CD109: variants seen among roughly 807,000 people sequenced by gnomAD.
CD109 encodes CD109 molecule.
Under a neutral mutation model 165.8 loss-of-function variants are expected in CD109, and 149 were observed. The observed-to-expected ratio is 0.90, with a 90% confidence interval of 0.79 to 1.03. CD109 has a LOEUF of 1.03. Among genes scored for constraint, CD109 ranks in the 50% least tolerant of loss-of-function variants. The probability of loss-of-function intolerance (pLI) is 0.00; values close to 1 mark genes in which losing one functional copy is unlikely to be tolerated. For synonymous variants in CD109, 585 were observed against 592.1 expected, an observed-to-expected ratio of 0.99 and a Z score of 0.18; for missense variants, 1,712 against 1,677.8, an observed-to-expected ratio of 1.02 and a Z score of -0.36.
chr6:73,809,664 G>C (rs1022296895), intron 26 of CD109, among the ~76,000 whole-genome samples: 1 of 151,976 alleles, frequency 6.6e-6, no homozygotes, highest in Non-Finnish European at 1.5e-5. Context: ...TTCAGATTTT[G>C]GAATGTATGT....
intron 2 of CD109, among the ~76,000 whole-genome samples, chr6:73,709,407 C>T (rs866816781): frequency 1.6e-4 from 24 of 151,980 alleles, no homozygotes; most frequent in South Asian, 2.1e-4. Context: ...ACTGTAGCCT[C>T]GTAGTATAGT....
At position 73,730,474 on chromosome 6, in the gene CD109, A is replaced by G. The variant is rs1199408938; in HGVS notation, c.407A>G (p.Asp136Gly). The G allele has an allele frequency of 1.9e-6, 3 of 1,613,956 alleles. No individual in the cohort carries two copies. Among genetic ancestry groups the G allele is most frequent in the Non-Finnish European group, 8.5e-7 (1 of 1,179,828 alleles). Reference protein sequence around the residue: ...TKRISVFIQTDKALYKPKQEV... With the variant: ...TKRISVFIQTGKALYKPKQEV... Reference sequence around the variant, plus strand: ...AGAATATCTGTCTTCATTCAAACAGACAAGGCCTTATACAAGCCAAAGCAA... The same window carrying G: ...AGAATATCTGTCTTCATTCAAACAGGCAAGGCCTTATACAAGCCAAAGCAA... Residue 136 changes from aspartate (D) to glycine (G), a missense_variant, in exon 4 of 33, where the codon GAC becomes GGC. Transcript: ENST00000287097.
chr6:73,700,790 G>GTTTTTTTTTTTTTTTT (rs58140668), intron 2 of CD109, among the ~76,000 whole-genome samples: 1 of 51,478 alleles, frequency 1.9e-5, no homozygotes, highest in Non-Finnish European at 3.6e-5. Context: ...ATTGATTGTA[G>GTTTTTTTTTTTTTTTT]TTTTTTTTTT....
chr6:73,787,113 G>A (rs1446316343), intron 20 of CD109, 121 bp from the exon 21 acceptor site: 131 of 634,590 alleles, frequency 2.1e-4, no homozygotes, highest in Non-Finnish European at 4.9e-5. Flanking sequence ...TCGAATCTTT[G>A]TCTCATCTTT....
At chr6:73,728,611 A>C (rs1238972945) in intron 3 of CD109, among the ~76,000 whole-genome samples, 1 of 152,000 alleles carries the variant, frequency 6.6e-6, no homozygotes, top group East Asian at 1.9e-4. Flanking sequence ...AGACATCAAT[A>C]CTCTTCTCCC....
chr6:73,697,654 C>A, intron 2 of CD109, 82 bp downstream of exon 2: 1 of 1,208,856 alleles, frequency 8.3e-7, no homozygotes, highest in Non-Finnish European at 1.2e-6. Flanking sequence ...GGTAGTATAG[C>A]AGAGAAACCC....
At chr6:73,773,664 C>T (rs1260898072) in intron 15 of CD109, among the ~76,000 whole-genome samples, 1 of 152,054 alleles carries the variant, frequency 6.6e-6, no homozygotes, top group Non-Finnish European at 1.5e-5. Context: ...TAGTATGCTC[C>T]TATTCCTTTT....
At chr6:73,746,714 C>G (rs1772996904) in intron 5 of CD109, among the ~76,000 whole-genome samples, 1 of 152,044 alleles carries the variant, frequency 6.6e-6, no homozygotes, top group Admixed American at 6.6e-5. Flanking sequence ...TACCTGGCCA[C>G]TATTCTGCTA....
intron 5 of CD109, among the ~76,000 whole-genome samples, chr6:73,743,821 C>T (rs542278859): frequency 5.3e-5 from 8 of 152,312 alleles, no homozygotes; most frequent in Admixed American, 3.9e-4. Context: ...TTTCACTAGT[C>T]TTTGCTTATA....
chr6:73,801,497 T>C (rs1011390733), intron 23 of CD109, among the ~76,000 whole-genome samples: 1 of 152,246 alleles, frequency 6.6e-6, no homozygotes, highest in Admixed American at 6.5e-5. Flanking sequence ...TATATTTCTT[T>C]TACCATAAGT....
At chr6:73,764,182 C>T (rs1457352059) in intron 10 of CD109, among the ~76,000 whole-genome samples, 2 of 152,142 alleles carry the variant, frequency 1.3e-5, no homozygotes, top group Non-Finnish European at 2.9e-5. Flanking sequence ...GGGCTCAGTC[C>T]CTACCCTCAG....
At chr6:73,730,205 G>A in intron 3 of CD109, 139 bp from the exon 4 acceptor site, 1 of 617,472 alleles carries the variant, frequency 1.6e-6, no homozygotes, top group East Asian at 2.8e-5. Flanking sequence ...TAACTCTGAT[G>A]CCTGGGAGGG....
In CD109 at chr6:73,762,361, AG is replaced by A. The variant is rs1426076307; in HGVS notation, c.759-22del. On this transcript the variant is annotated intron_variant, in intron 7 of 32. Coordinates refer to ENST00000287097, the MANE Select transcript of CD109 (RefSeq NM_133493.5). ...GACAATATCAAGTTGATACATAAAAAGACTATGTTTATAATTATTCAGGTAT... is the reference window on the plus strand; with the variant it reads ...GACAATATCAAGTTGATACATAAAAAACTATGTTTATAATTATTCAGGTAT... 10 of 1,403,336 alleles carry A rather than the reference AG, an allele frequency of 7.1e-6. No homozygotes were observed. In the African/African-American group the frequency reaches 7.1e-5, roughly 10 times the overall value. The allele number at this position is 1,403,336 out of a possible 1,614,324, so 86.9% of individuals were successfully genotyped here.
In CD109 at chr6:73,766,488, CAT is replaced by C. The variant is rs1168394114; in HGVS notation, c.1333-259_1333-258del. Among the ~76,000 whole-genome samples, 166 of 145,994 alleles carry C rather than the reference CAT, an allele frequency of 1.1e-3. 1 individual carries two copies. Among genetic ancestry groups the C allele is most frequent in the African/African-American group, 3.9e-3 (155 of 39,326 alleles). On this transcript the variant is annotated intron_variant, in intron 11 of 32. Coordinates refer to ENST00000287097, the MANE Select transcript of CD109 (RefSeq NM_133493.5). ...TTGAAATGAAAGATAAATATATATA[CAT>C]ATATATATATACACACATATATATG...
chr6:73,682,069 T>C, the CD109 span, among the ~76,000 whole-genome samples: 2 of 152,096 alleles, frequency 1.3e-5, no homozygotes, highest in African/African-American at 4.8e-5. Flanking sequence ...AGCAAAACCA[T>C]ATCATTCCAC....
intron 2 of CD109, among the ~76,000 whole-genome samples, chr6:73,712,572 A>G (rs1376353481): frequency 6.6e-6 from 1 of 152,204 alleles, no homozygotes; most frequent in Non-Finnish European, 1.5e-5. Context: ...TGGTGAGGAC[A>G]GATGTCAGAA....
chr6:73,824,943 A>G lies in CD109; in HGVS notation c.*1310A>G, dbSNP rs1446223344. The G allele has an allele frequency of 1.3e-5, 2 of 152,130 alleles. No individual in the cohort carries two copies. Among genetic ancestry groups the G allele is most frequent in the East Asian group, 1.9e-4 (1 of 5,206 alleles). 9.4% of individuals were successfully genotyped at this position (152,130 alleles called of 1,614,324 possible). ...TGGTTTAGTTTTTCTCTTTAGCTCT[A>G]TGGCATTTCACTCAAGTGGACAGGG... On this transcript the variant is annotated 3_prime_UTR_variant, in exon 33 of 33. Coordinates refer to ENST00000287097, the MANE Select transcript of CD109 (RefSeq NM_133493.5).
At chr6:73,813,653 GAGTTTGC>G (rs1220420062) in intron 29 of CD109, among the ~76,000 whole-genome samples, 1 of 152,174 alleles carries the variant, frequency 6.6e-6, no homozygotes, top group Non-Finnish European at 1.5e-5. Context: ...GAAAACTCAT[GAGTTTGC>G]AGTAAATATT....
chr6:73,817,660 C>T (rs1361702733), intron 30 of CD109, among the ~76,000 whole-genome samples: 1 of 152,154 alleles, frequency 6.6e-6, no homozygotes, highest in Non-Finnish European at 1.5e-5. Flanking sequence ...TCCTTCTGCT[C>T]TAAATGAAAA....
Sources: allele counts gnomAD v4.1 joint callset (sites outside exome capture counted in the v4.1 genomes callset), GRCh38; gene constraint gnomAD v4.1.1; transcripts MANE v1.5; gene names NCBI Gene and HGNC (gene_info 2026-07-23, HGNC 2026-07-21).